The following COL20A1 variants were observed in gnomAD, a reference collection of about 807,000 sequenced individuals.
The protein encoded by COL20A1 is collagen alpha-1(XX) chain.
COL20A1 carries 164 observed loss-of-function variants against 152.9 expected under a neutral mutation model. That is an observed-to-expected ratio of 1.07 (90% CI 0.94 to 1.22). COL20A1 has a LOEUF of 1.22. Ranked by LOEUF, COL20A1 falls within the 50% of genes most tolerant of loss-of-function variation. The pLI is 0.00. For missense variants in COL20A1, 1,873 were observed against 1,744.8 expected, an observed-to-expected ratio of 1.07 and a Z score of -1.31; for synonymous variants, 864 against 756.0, an observed-to-expected ratio of 1.14 and a Z score of -2.34.
rs1363853808 is a variant in COL20A1 at position 63,320,997 on chromosome 20, GTC to G, written c.3154-10_3154-9del. 3 of 1,548,198 alleles carry G rather than the reference GTC, an allele frequency of 1.9e-6. No homozygotes were observed. The highest frequency in any genetic ancestry group is 2.4e-5 in the South Asian group (2 of 84,218). On this transcript the variant is annotated splice_polypyrimidine_tract_variant and intron_variant, in intron 25 of 35. Coordinates refer to ENST00000358894, the MANE Select transcript of COL20A1 (RefSeq NM_020882.4). Reference sequence around the variant, plus strand: ...GGAGAGGGTCTCTCTAATGGGCAGGGTCTCTCTTCTTCCAGAGGGATGGAGAG... The same window carrying G: ...GGAGAGGGTCTCTCTAATGGGCAGGGTCTCTTCTTCCAGAGGGATGGAGAG...
At position 63,313,072 on chromosome 20, in the gene COL20A1, G is replaced by A. The variant is rs749768375; in HGVS notation, c.2077-45G>A. On this transcript the variant is annotated intron_variant, in intron 16 of 35. Transcript: ENST00000358894. This position sits in a 1 kb window ranked among gnomAD's most constrained non-coding sequence, Gnocchi z 5.9. ...CTCACTGCCCGGCCCCCCAACCTGA[G>A]GACCCCACTGCACCCGGTGACCCCT... 6.3e-7 allele frequency: 1 copy of A among 1,582,120 alleles called. No homozygotes were observed. Among genetic ancestry groups the A allele is most frequent in the South Asian group, 1.2e-5 (1 of 86,894 alleles).
At chr20:63,327,617 G>A in intron 31 of COL20A1, 1 of 347,270 alleles carries the variant, frequency 2.9e-6, no homozygotes. Flanking sequence ...CCTGACCCGG[G>A]CCCGGGGCCC....
At position 63,311,598 on chromosome 20, in the gene COL20A1, C is replaced by G; in HGVS notation, c.1540-27C>G. ...AGGAGTGGGGCAGAGCGAGTGGGGG[C>G]TGGCCTGGGACGTCATGTCTCTGCA... On this transcript the variant is annotated intron_variant, in intron 12 of 35. Coordinates refer to ENST00000358894, the MANE Select transcript of COL20A1 (RefSeq NM_020882.4). The surrounding 1 kb of genome is among the most constrained non-coding windows in gnomAD (Gnocchi z 4.4). 6.2e-7 allele frequency: 1 copy of G among 1,610,386 alleles called. No individual in the cohort carries two copies.
chr20:63,297,875 A>T, intron 2 of COL20A1, 35 bp from the exon 3 acceptor site: 1 of 1,525,200 alleles, frequency 6.6e-7, no homozygotes, highest in Non-Finnish European at 9.1e-7. Flanking sequence ...TGGGGAGGCC[A>T]GGTCAGTCCT....
rs557394086 is a variant in COL20A1, at chr20:63,312,762, AC to A, written c.1934-25del. The A allele has an allele frequency of 8.3e-5, 126 of 1,512,846 alleles. 1 individual carries two copies. The South Asian group carries it at 1.4e-3, about 17-fold the overall frequency. 93.7% of individuals were successfully genotyped at this position (1,512,846 alleles called of 1,614,324 possible). ...TGAGGTGCCCAGGCTCAGGGGCTAC[AC>A]CCCCAGCCTGTGTCTCCACTTCCTT... On this transcript the variant is annotated intron_variant, in intron 15 of 35. Transcript: ENST00000358894.
At position 63,328,369 on chromosome 20, in the gene COL20A1, A is replaced by G. The variant is rs73921047; in HGVS notation, c.3652A>G (p.Arg1218Gly). The change falls in exon 34 of 36, where the codon AGG becomes GGG. Residue 1218 changes from arginine to glycine, a missense_variant. Coordinates refer to ENST00000358894, the MANE Select transcript of COL20A1 (RefSeq NM_020882.4). Reference sequence around the variant, plus strand: ...GTTCGACTCCTTCCACGAGAACACCAGGCCCCCCATGCCCATCTTGGAGCA... The same window carrying G: ...GTTCGACTCCTTCCACGAGAACACCGGGCCCCCCATGCCCATCTTGGAGCA... Reference protein sequence around the residue: ...SKFDSFHENTRPPMPILEQKL... With the variant: ...SKFDSFHENTGPPMPILEQKL... The G allele has an allele frequency of 1.0e-4, 169 of 1,612,616 alleles. No homozygotes were observed. The African/African-American group carries it at 2.1e-3, about 20-fold the overall frequency.
At chr20:63,314,287 C>T in intron 19 of COL20A1, 86 bp downstream of exon 19, 1 of 1,262,674 alleles carries the variant, frequency 7.9e-7, no homozygotes, top group Admixed American at 2.1e-5. Flanking sequence ...CCAGACTCAT[C>T]CAACCCCAGA....
chr20:63,310,986 T>C (rs139279352), intron 11 of COL20A1, among the ~76,000 whole-genome samples: 61 of 152,242 alleles, frequency 4.0e-4, no homozygotes, highest in African/African-American at 1.2e-3. Context: ...TAGATCATTT[T>C]CATCCCCCCA....
At chr20:63,318,003 C>T (rs1485665937) in intron 21 of COL20A1, among the ~76,000 whole-genome samples, 3 of 152,162 alleles carry the variant, frequency 2.0e-5, no homozygotes, top group Non-Finnish European at 1.5e-5. Context: ...TCCCCAACCT[C>T]TCTGCTCTCA....
At chr20:63,302,535 G>A (rs1397313807) in intron 3 of COL20A1, among the ~76,000 whole-genome samples, 4 of 152,124 alleles carry the variant, frequency 2.6e-5, no homozygotes, top group Non-Finnish European at 4.4e-5. Context: ...TGGCCAGGCT[G>A]GTCTCGAACT....
Position 63,297,967 on chromosome 20 carries a change from G to A in COL20A1, c.140G>A (p.Arg47Lys). The A allele has an allele frequency of 2.5e-6, 4 of 1,613,214 alleles. No homozygotes were observed. The South Asian group carries it at 4.4e-5, about 18-fold the overall frequency. ...LPEDRLQMKW[R>K]ESEGSGLGYL... ...GAGGACCGGCTGCAGATGAAGTGGAGAGAGTCGGAGGGGAGCGGCCTCGGC... is the reference window on the plus strand; with the variant it reads ...GAGGACCGGCTGCAGATGAAGTGGAAAGAGTCGGAGGGGAGCGGCCTCGGC... Residue 47 changes from arginine (R) to lysine (K), a missense_variant, in exon 3 of 36, where the codon AGA (arginine) becomes AAA (lysine). Physicochemically the swap from Arg to Lys is conservative, Grantham distance 26. Transcript: ENST00000358894.
Position 63,305,595 on chromosome 20 carries a change from C to T in COL20A1, c.337+35C>T, listed in dbSNP as rs750084758. ...CCGTCTGCCAGCTGGGTACCCACTC[C>T]TCCAGGCCGGGTCCCACCCTCCTCT... On this transcript the variant is annotated intron_variant, in intron 4 of 35. Transcript: ENST00000358894. This position sits in a 1 kb window ranked among gnomAD's most constrained non-coding sequence, Gnocchi z 4.9. 2.4e-5 allele frequency: 38 copies of T among 1,558,498 alleles called. No homozygotes were observed. Among genetic ancestry groups the T allele is most frequent in the Non-Finnish European group, 3.2e-5 (37 of 1,154,448 alleles).
chr20:63,308,810 T>G, intron 8 of COL20A1, 104 bp downstream of exon 8: 1 of 1,073,702 alleles, frequency 9.3e-7, no homozygotes, highest in Non-Finnish European at 1.3e-6. Context: ...AGCCCCAGCT[T>G]CCACATCTGC....
At chr20:63,298,195 G>A (rs2067823229) in intron 3 of COL20A1, among the ~76,000 whole-genome samples, 175 bp downstream of exon 3, 1 of 152,244 alleles carries the variant, frequency 6.6e-6, no homozygotes, top group African/African-American at 2.4e-5. Flanking sequence ...CGTCACATAT[G>A]ACATGGAAGA....
chr20:63,323,953 C>T (rs1010573324), intron 27 of COL20A1, among the ~76,000 whole-genome samples: 2 of 152,226 alleles, frequency 1.3e-5, no homozygotes, highest in African/African-American at 4.8e-5. Flanking sequence ...CAGATGATGT[C>T]TTCATGATGT....
intron 27 of COL20A1, among the ~76,000 whole-genome samples, chr20:63,323,363 T>G (rs2068196072): frequency 6.6e-6 from 1 of 152,252 alleles, no homozygotes; most frequent in Non-Finnish European, 1.5e-5. Flanking sequence ...TTTTACGTAG[T>G]CCATGTTACT....
chr20:63,294,573 C>T (rs1568759308), intron 1 of COL20A1, among the ~76,000 whole-genome samples: 1 of 152,120 alleles, frequency 6.6e-6, no homozygotes, highest in East Asian at 1.9e-4. Flanking sequence ...CCCCCAGACC[C>T]ACCCGCTCCC....
At chr20:63,294,370 G>C (rs1230707815) in intron 1 of COL20A1, among the ~76,000 whole-genome samples, 1 of 151,726 alleles carries the variant, frequency 6.6e-6, no homozygotes, top group Non-Finnish European at 1.5e-5. Flanking sequence ...CCTGGCCTCT[G>C]AGTCCCCCTC....
rs754961868 is a variant in COL20A1 at position 63,314,157 on chromosome 20, A to G, written c.2444A>G (p.Tyr815Cys). 10 of 1,592,668 alleles carry G rather than the reference A, an allele frequency of 6.3e-6. No homozygotes were observed. The highest frequency in any genetic ancestry group is 4.5e-5 in the East Asian group (2 of 43,958). ...TACAGGGTCCTGGTCTCAGCTATCT[A>G]TGCAGCAGGCAGGAGTGAGGCTGTG... ...TKYRVLVSAIYAAGRSEAVSA... is the reference protein window; with the variant it reads ...TKYRVLVSAICAAGRSEAVSA... Residue 815 changes from tyrosine (Y) to cysteine (C), a missense_variant, in exon 19 of 36, where the codon TAT becomes TGT. Transcript: ENST00000358894.
Sources: allele counts gnomAD v4.1 joint callset (sites outside exome capture counted in the v4.1 genomes callset), GRCh38; gene constraint gnomAD v4.1.1; non-coding constraint Gnocchi (gnomAD v3.1); transcripts MANE v1.5; gene names NCBI Gene and HGNC (gene_info 2026-07-23, HGNC 2026-07-21).